The following PCSK2 variants were observed in gnomAD, a reference collection of about 807,000 sequenced individuals.
The protein encoded by PCSK2 is proprotein convertase subtilisin/kexin type 2, also known as neuroendocrine convertase 2.
A neutral mutation model predicts 69.7 loss-of-function variants in PCSK2; 14 were observed. The ratio of observed to expected loss-of-function variants is 0.20; its 90% CI spans 0.13 to 0.31. The LOEUF is 0.31. PCSK2 is among the 10% of genes least tolerant of loss of function. The pLI, the probability that PCSK2 is intolerant of heterozygous loss-of-function variation, is 1.00. For synonymous variants in PCSK2, 307 were observed against 320.7 expected (o/e 0.96, Z 0.46); for missense variants, 544 against 842.5 (o/e 0.65, Z 4.39).
At chr20:17,336,090 A>T (rs1194996996) in intron 2 of PCSK2, among the ~76,000 whole-genome samples, 2 of 152,206 alleles carry the variant, frequency 1.3e-5, no homozygotes, top group African/African-American at 4.8e-5. Flanking sequence ...CAAAGAACTT[A>T]CAGATATGTT....
chr20:17,471,287 C>A (rs1454819210), intron 11 of PCSK2, among the ~76,000 whole-genome samples: 1 of 152,178 alleles, frequency 6.6e-6, no homozygotes, highest in Non-Finnish European at 1.5e-5. Context: ...TGTAAGGAAT[C>A]TGAGGTCCGG....
chr20:17,467,061 A>C (rs879210380), intron 11 of PCSK2, among the ~76,000 whole-genome samples: 2 of 152,238 alleles, frequency 1.3e-5, no homozygotes, highest in Admixed American at 1.3e-4. Context: ...TCCGAGGACC[A>C]TCGAGCCTGG....
chr20:17,260,590 T>C (rs1220428180), intron 2 of PCSK2, among the ~76,000 whole-genome samples: 5 of 152,206 alleles, frequency 3.3e-5, no homozygotes, highest in African/African-American at 1.2e-4. Flanking sequence ...TTTTACTGGC[T>C]ATCTTCTCCT....
At chr20:17,319,351 G>C (rs1003348446) in intron 2 of PCSK2, among the ~76,000 whole-genome samples, 10 of 152,204 alleles carry the variant, frequency 6.6e-5, no homozygotes, top group African/African-American at 2.4e-4. Context: ...CTTGCCTGGG[G>C]TTCCTCACGC....
At chr20:17,335,133 G>A (rs899141990) in intron 2 of PCSK2, among the ~76,000 whole-genome samples, 1 of 152,202 alleles carries the variant, frequency 6.6e-6, no homozygotes, top group Non-Finnish European at 1.5e-5. Flanking sequence ...AGGAATTTGG[G>A]AAGGGCTTGC....
intron 5 of PCSK2, among the ~76,000 whole-genome samples, chr20:17,371,122 G>C (rs2030748116): frequency 1.3e-5 from 2 of 152,196 alleles, no homozygotes; most frequent in African/African-American, 4.8e-5. Context: ...ACTTCAAGGT[G>C]GGGTGGTACC....
intron 5 of PCSK2, among the ~76,000 whole-genome samples, chr20:17,380,864 C>T (rs964173333): frequency 1.3e-5 from 2 of 152,202 alleles, no homozygotes; most frequent in Non-Finnish European, 2.9e-5. Flanking sequence ...TTTCCACTTT[C>T]CTGCTAACAA....
intron 2 of PCSK2, among the ~76,000 whole-genome samples, chr20:17,265,438 C>A (rs536374238): frequency 6.6e-6 from 1 of 152,008 alleles, no homozygotes; most frequent in Non-Finnish European, 1.5e-5. Context: ...TAGAAATTTT[C>A]CAATTTATCT....
At chr20:17,329,786 G>A (rs962335758) in intron 2 of PCSK2, among the ~76,000 whole-genome samples, 1 of 152,172 alleles carries the variant, frequency 6.6e-6, no homozygotes. Flanking sequence ...AAGATAATCT[G>A]TTACGTAAAT....
At chr20:17,255,511 T>G (rs1987143240) in intron 1 of PCSK2, among the ~76,000 whole-genome samples, 1 of 152,188 alleles carries the variant, frequency 6.6e-6, no homozygotes, top group East Asian at 1.9e-4. Context: ...CCAGCTAATT[T>G]TTTGCATTTT....
At chr20:17,309,050 T>C (rs1035303987) in intron 2 of PCSK2, among the ~76,000 whole-genome samples, 2 of 151,678 alleles carry the variant, frequency 1.3e-5, no homozygotes, top group Non-Finnish European at 2.9e-5. Context: ...GCAGAGGGAG[T>C]GAATGAAGTA....
chr20:17,450,017 C>CTTTTTTTTTTTTTTTTTTTTTTT lies in PCSK2; in HGVS notation c.886-3717_886-3695dup, dbSNP rs61156656. The stretch of plus-strand genomic sequence containing the variant: ...TTTTTAAGTTTGTTGAATTTCTTCC[C>CTTTTTTTTTTTTTTTTTTTTTTT]TTTTTTTTTTTTTTTTTTTTTTTTT... On this transcript the variant is annotated intron_variant, in intron 8 of 11. Coordinates refer to ENST00000262545, the MANE Select transcript of PCSK2 (RefSeq NM_002594.5). 4.2e-4 allele frequency among the ~76,000 whole-genome samples: 26 copies of CTTTTTTTTTTTTTTTTTTTTTTT among 61,834 alleles called. 5 individuals carry two copies. The highest frequency in any genetic ancestry group is 6.0e-4 in the Non-Finnish European group (21 of 34,974). 40.6% of individuals were successfully genotyped at this position (61,834 alleles called of 152,430 possible).
At chr20:17,229,931 A>G (rs1416023678) in intron 1 of PCSK2, among the ~76,000 whole-genome samples, 1 of 152,230 alleles carries the variant, frequency 6.6e-6, no homozygotes, top group Non-Finnish European at 1.5e-5. Context: ...TTTCAGGTAT[A>G]TAAGTAAATA....
chr20:17,284,068 A>G (rs1363817218), intron 2 of PCSK2, among the ~76,000 whole-genome samples: 1 of 152,168 alleles, frequency 6.6e-6, no homozygotes, highest in Non-Finnish European at 1.5e-5. Flanking sequence ...GCATTGTTAT[A>G]TCAACTCCAC....
intron 2 of PCSK2, among the ~76,000 whole-genome samples, chr20:17,283,389 G>A (rs1988392401): frequency 6.6e-6 from 1 of 152,058 alleles, no homozygotes; most frequent in Non-Finnish European, 1.5e-5. Flanking sequence ...TGATGTCTAG[G>A]ATTTGCATGA....
intron 2 of PCSK2, among the ~76,000 whole-genome samples, chr20:17,317,582 C>T (rs1224647727): frequency 6.6e-6 from 1 of 152,176 alleles, no homozygotes; most frequent in East Asian, 1.9e-4. Context: ...TAACAGCTGC[C>T]ATCTGTTCCT....
intron 1 of PCSK2, among the ~76,000 whole-genome samples, chr20:17,242,425 G>T (rs1190966493): frequency 3.3e-5 from 5 of 152,242 alleles, no homozygotes; most frequent in Non-Finnish European, 7.3e-5. Flanking sequence ...ATTGAAAGGG[G>T]TTGATTCTAC....
rs774522573 is a variant in PCSK2 at position 17,391,187 on chromosome 20, AAGATTGAATCAATGCAT to A, written c.544-18073_544-18057del. On this transcript the variant is annotated intron_variant, in intron 5 of 11. Transcript: ENST00000262545. ...AAACCTTATCAAATTATTCTCTGAA[AAGATTGAATCAATGCAT>A]AGTCCTCCCAGGAGAATCCCTTCTC... Among the ~76,000 whole-genome samples, 192 of 152,302 alleles carry A rather than the reference AAGATTGAATCAATGCAT, an allele frequency of 1.3e-3. 1 individual carries two copies. The highest frequency in any genetic ancestry group is 2.1e-3 in the Non-Finnish European group (142 of 68,020).
chr20:17,439,928 G>A (rs934174229), intron 8 of PCSK2, among the ~76,000 whole-genome samples: 4 of 152,190 alleles, frequency 2.6e-5, no homozygotes, highest in African/African-American at 9.7e-5. Context: ...CCCAGGGGAA[G>A]GAAGCACATA....
Sources: allele counts gnomAD v4.1 joint callset (sites outside exome capture counted in the v4.1 genomes callset), GRCh38; gene constraint gnomAD v4.1.1; transcripts MANE v1.5; gene names NCBI Gene and HGNC (gene_info 2026-07-23, HGNC 2026-07-21).